Variants in ANO2 observed in about 807,000 individuals in gnomAD.
ANO2 encodes the protein anoctamin 2.
In ANO2, 101 loss-of-function variants were observed where a neutral mutation model predicts 124.2. The ratio of observed to expected loss-of-function variants is 0.81; its 90% CI spans 0.69 to 0.96. ANO2 has a LOEUF of 0.96. Among genes scored for constraint, ANO2 ranks in the 40% least tolerant of loss-of-function variants. The pLI is 0.00. For missense variants in ANO2, 1,293 were observed against 1,274.5 expected, an observed-to-expected ratio of 1.01 and a Z score of -0.22; for synonymous variants, 486 against 482.5, an observed-to-expected ratio of 1.01 and a Z score of -0.09.
intron 20 of ANO2, among the ~76,000 whole-genome samples, chr12:5,596,960 C>T (rs1429277493): frequency 2.6e-5 from 4 of 152,058 alleles, no homozygotes; most frequent in South Asian, 2.1e-4. Context: ...CAAATCAAGA[C>T]ACATAGGAGT....
At chr12:5,716,999 GAGA>G (rs2137046853) in intron 14 of ANO2, among the ~76,000 whole-genome samples, 1 of 152,338 alleles carries the variant, frequency 6.6e-6, no homozygotes, top group South Asian at 2.1e-4. Context: ...GGAAAAACCT[GAGA>G]AGTATTTTTT....
At chr12:5,712,043 G>A (rs749574157) in intron 14 of ANO2, among the ~76,000 whole-genome samples, 5 of 152,134 alleles carry the variant, frequency 3.3e-5, no homozygotes, top group African/African-American at 7.2e-5. Context: ...ATGTTGTGCC[G>A]AGCTGCAGTG....
chr12:5,739,778 C>A, intron 12 of ANO2: 1 of 422,692 alleles, frequency 2.4e-6, no homozygotes, highest in African/African-American at 2.1e-5. Context: ...ACATTCTTTC[C>A]TCCTTCACCT....
intron 7 of ANO2, among the ~76,000 whole-genome samples, chr12:5,825,842 A>G (rs1953939138): frequency 6.6e-6 from 1 of 152,120 alleles, no homozygotes; most frequent in Non-Finnish European, 1.5e-5. Context: ...AATGGCCCAG[A>G]CCCCTCAGGA....
At position 5,800,436 on chromosome 12, in the gene ANO2, A is replaced by C. The variant is rs76313321; in HGVS notation, c.991-865T>G. On this transcript the variant is annotated intron_variant, in intron 9 of 24. Coordinates refer to ENST00000682330, the MANE Select transcript of ANO2 (RefSeq NM_001364791.2). ...ATCTGACTGAGATTGCAGAAGGCTCACTCTGGCTGCTGTGTGGAGAACAGA... is the reference window on the plus strand; with the variant it reads ...ATCTGACTGAGATTGCAGAAGGCTCCCTCTGGCTGCTGTGTGGAGAACAGA... 2.0e-3 allele frequency among the ~76,000 whole-genome samples: 308 copies of C among 152,334 alleles called. 2 individuals carry two copies. The highest frequency in any genetic ancestry group is 7.3e-3 in the African/African-American group (305 of 41,570).
chr12:5,574,771 T>C (rs979512822), intron 23 of ANO2, among the ~76,000 whole-genome samples: 12 of 152,220 alleles, frequency 7.9e-5, no homozygotes, highest in African/African-American at 2.9e-4. Context: ...TCAATTTCTC[T>C]AAACCTTCCC....
chr12:5,945,301 C>T (rs377614325), upstream of ANO2: 1 of 1,115,662 alleles, frequency 9.0e-7, no homozygotes. Flanking sequence ...CATCGCGGCT[C>T]AGCTCCGTCC....
chr12:5,860,814 G>A (rs977261917), intron 3 of ANO2, among the ~76,000 whole-genome samples: 2 of 152,180 alleles, frequency 1.3e-5, no homozygotes, highest in Non-Finnish European at 2.9e-5. Flanking sequence ...AATTGACACA[G>A]CCTCACTCGT....
At chr12:5,739,724 G>T (rs1466493083) in intron 12 of ANO2, among the ~76,000 whole-genome samples, 1 of 152,074 alleles carries the variant, frequency 6.6e-6, no homozygotes, top group Non-Finnish European at 1.5e-5. Flanking sequence ...TAAAAAGGGA[G>T]GGGTCTGCAG....
At chr12:5,916,932 T>C (rs542899402) in intron 3 of ANO2, among the ~76,000 whole-genome samples, 2 of 152,254 alleles carry the variant, frequency 1.3e-5, no homozygotes, top group African/African-American at 4.8e-5. Context: ...AATAACTACC[T>C]TTTGGAAGAC....
intron 23 of ANO2, among the ~76,000 whole-genome samples, chr12:5,574,660 C>G (rs1942304314): frequency 6.6e-6 from 1 of 152,182 alleles, no homozygotes; most frequent in Admixed American, 6.5e-5. Context: ...TCCCGCCACC[C>G]TGGTTTATGC....
chr12:5,909,002 T>C (rs1376386432), intron 3 of ANO2, among the ~76,000 whole-genome samples: 1 of 152,070 alleles, frequency 6.6e-6, no homozygotes, highest in Non-Finnish European at 1.5e-5. Context: ...ACGCTGTAGG[T>C]CCACAAAATA....
chr12:5,662,209 T>A (rs1461473808), intron 14 of ANO2, among the ~76,000 whole-genome samples: 1 of 152,276 alleles, frequency 6.6e-6, no homozygotes, highest in Non-Finnish European at 1.5e-5. Context: ...AAGCATCTGC[T>A]TGACACACCA....
intron 23 of ANO2, among the ~76,000 whole-genome samples, chr12:5,566,072 G>C (rs568958777): frequency 2.6e-4 from 40 of 152,208 alleles, no homozygotes; most frequent in Non-Finnish European, 5.4e-4. Context: ...TCTGCAGCCG[G>C]GGGGGTTGGG....
At chr12:5,722,057 G>C (rs1290732004) in intron 14 of ANO2, among the ~76,000 whole-genome samples, 1 of 152,180 alleles carries the variant, frequency 6.6e-6, no homozygotes, top group Non-Finnish European at 1.5e-5. Flanking sequence ...CTAGCTAACA[G>C]GATGTGTGCA....
chr12:5,773,578 G>A (rs534681400), intron 10 of ANO2, among the ~76,000 whole-genome samples: 23 of 152,284 alleles, frequency 1.5e-4, no homozygotes, highest in East Asian at 9.6e-4. Flanking sequence ...CTTTATCATC[G>A]TGCTAATTCC....
intron 4 of ANO2, among the ~76,000 whole-genome samples, chr12:5,851,434 T>TC (rs932710376): frequency 9.2e-5 from 14 of 152,028 alleles, no homozygotes; most frequent in Non-Finnish European, 1.6e-4. Context: ...ACGCTTGTAA[T>TC]CCCAACACTT....
intron 20 of ANO2, among the ~76,000 whole-genome samples, chr12:5,579,909 G>T (rs1372640568): frequency 6.6e-6 from 1 of 152,116 alleles, no homozygotes; most frequent in Non-Finnish European, 1.5e-5. Flanking sequence ...CACCTCCTTG[G>T]TGAAGCCCCA....
At chr12:5,654,727 A>T (rs1049368231) in intron 14 of ANO2, among the ~76,000 whole-genome samples, 2 of 152,134 alleles carry the variant, frequency 1.3e-5, no homozygotes, top group Admixed American at 6.5e-5. Context: ...CAGTCCAAGT[A>T]ATGTTGATAT....
Sources: gnomAD v4.1 joint callset for allele counts (sites outside exome capture counted in the v4.1 genomes callset) on GRCh38, gnomAD v4.1.1 for gene constraint, MANE v1.5 for transcripts, NCBI Gene and HGNC (gene_info 2026-07-23, HGNC 2026-07-21) for gene names.